The following KIAA0232 variants were observed in gnomAD, a reference collection of about 807,000 sequenced individuals.
KIAA0232 encodes KIAA0232.
A neutral mutation model predicts 122.0 loss-of-function variants in KIAA0232; 27 were observed. The observed-to-expected ratio is 0.22, with a 90% CI of 0.16 to 0.31. The LOEUF (loss-of-function observed/expected upper bound fraction) is 0.31. Among genes scored for constraint, KIAA0232 ranks in the 10% least tolerant of loss-of-function variants. KIAA0232 has a pLI of 1.00. For synonymous variants in KIAA0232, 613 were observed against 587.6 expected, an observed-to-expected ratio of 1.04 and a Z score of -0.63; for missense variants, 1,551 against 1,634.2, an observed-to-expected ratio of 0.95 and a Z score of 0.88.
intron 3 of KIAA0232, among the ~76,000 whole-genome samples, chr4:6,841,580 G>T (rs972656664): frequency 2.0e-5 from 3 of 152,142 alleles, no homozygotes; most frequent in African/African-American, 7.2e-5. Flanking sequence ...CATTAAGAGG[G>T]CAGTTAGGTA....
Position 6,855,183 on chromosome 4 carries a change from C to T in KIAA0232, c.370-1981C>T, listed in dbSNP as rs548442033. On this transcript the variant is annotated intron_variant, in intron 4 of 9. Transcript: ENST00000307659. This position sits in a 1 kb window ranked among gnomAD's most constrained non-coding sequence, Gnocchi z 4.3. Reference sequence around the variant, plus strand: ...CACTGCAACCTCCACCTCCTGGGTTCAAGCAGTTCTCCTGCCTCAGCCTCC... The same window carrying T: ...CACTGCAACCTCCACCTCCTGGGTTTAAGCAGTTCTCCTGCCTCAGCCTCC... Among the ~76,000 whole-genome samples the T allele has an allele frequency of 6.6e-6, 1 of 152,136 alleles. No individual in the cohort carries two copies. The highest frequency in any genetic ancestry group is 1.5e-5 in the Non-Finnish European group (1 of 68,014).
chr4:6,795,404 A>G (rs1717088970), intron 1 of KIAA0232, among the ~76,000 whole-genome samples: 1 of 152,120 alleles, frequency 6.6e-6, no homozygotes, highest in Admixed American at 6.5e-5. Flanking sequence ...CATGCAGCTA[A>G]TCTGAATTGA....
intron 1 of KIAA0232, among the ~76,000 whole-genome samples, chr4:6,789,115 C>T (rs371824190): frequency 1.3e-5 from 2 of 151,846 alleles, no homozygotes; most frequent in Admixed American, 6.6e-5. Context: ...GGACTACAGG[C>T]GCCCGACCAC....
chr4:6,847,936 C>T (rs1370914389), intron 4 of KIAA0232, among the ~76,000 whole-genome samples: 4 of 151,752 alleles, frequency 2.6e-5, no homozygotes, highest in Non-Finnish European at 4.4e-5. Context: ...AGTACTTTAT[C>T]TCCCACTTTG....
At chr4:6,845,080 A>G (rs1049222005) in intron 4 of KIAA0232, among the ~76,000 whole-genome samples, 2 of 152,224 alleles carry the variant, frequency 1.3e-5, no homozygotes, top group African/African-American at 4.8e-5. Context: ...GCTTTAGCAC[A>G]TAGTGAAGAA....
chr4:6,806,950 C>T (rs1014437266), intron 2 of KIAA0232, among the ~76,000 whole-genome samples: 1 of 151,834 alleles, frequency 6.6e-6, no homozygotes, highest in Admixed American at 6.6e-5. Flanking sequence ...CTGTTTAGTA[C>T]TTCTGAATCT....
chr4:6,880,717 A>T, intron 9 of KIAA0232, 70 bp from the exon 10 acceptor site: 1 of 1,024,972 alleles, frequency 9.8e-7, no homozygotes, highest in Non-Finnish European at 1.4e-6. Context: ...CTTTGTATAT[A>T]GATAGAGTAT....
chr4:6,824,396 A>C lies in KIAA0232; in HGVS notation c.-58A>C. Reference sequence around the variant, plus strand: ...GAGTGAAAATCCCCTCCAGATACCAACAGAATATCAACTGCAGAAAATGCT... The same window carrying C: ...GAGTGAAAATCCCCTCCAGATACCACCAGAATATCAACTGCAGAAAATGCT... On this transcript the variant is annotated 5_prime_UTR_variant, in exon 3 of 10. Transcript: ENST00000307659. 1 of 1,370,944 alleles carries C rather than the reference A, an allele frequency of 7.3e-7. No homozygotes were observed. Among genetic ancestry groups the C allele is most frequent in the Non-Finnish European group, 1.0e-6 (1 of 958,574 alleles). 84.9% of individuals were successfully genotyped at this position (1,370,944 alleles called of 1,614,324 possible).
chr4:6,824,185 G>T lies in KIAA0232; in HGVS notation c.-269G>T. ...TTTTTTTCCTCTCTCATTTTTGTAGGTTCTGCCGGAGACTTCCATTTGGCC... is the reference window on the plus strand; with the variant it reads ...TTTTTTTCCTCTCTCATTTTTGTAGTTTCTGCCGGAGACTTCCATTTGGCC... On this transcript the variant is annotated splice_region_variant and 5_prime_UTR_variant, in exon 3 of 10. Coordinates refer to ENST00000307659, the MANE Select transcript of KIAA0232 (RefSeq NM_014743.3). The T allele has an allele frequency of 2.0e-6, 1 of 506,918 alleles. No individual in the cohort carries two copies. The highest frequency in any genetic ancestry group is 3.5e-6 in the Non-Finnish European group (1 of 286,636). 31.4% of individuals were successfully genotyped at this position (506,918 alleles called of 1,614,324 possible). A position where few individuals can be genotyped will look rare whatever the true frequency, so the allele number is the denominator to read the frequency against.
chr4:6,830,255 C>T (rs1050899832), intron 3 of KIAA0232, among the ~76,000 whole-genome samples: 11 of 152,038 alleles, frequency 7.2e-5, no homozygotes, highest in Non-Finnish European at 1.3e-4. Context: ...AATAGCTTGC[C>T]CAAGGCCACA....
At chr4:6,852,126 C>T (rs1163752465) in intron 4 of KIAA0232, among the ~76,000 whole-genome samples, 1 of 152,074 alleles carries the variant, frequency 6.6e-6, no homozygotes, top group African/African-American at 2.4e-5. Context: ...TACTTCTCTC[C>T]TACTCTGTAT....
chr4:6,823,339 C>T (rs930757956), intron 2 of KIAA0232, among the ~76,000 whole-genome samples: 1 of 152,112 alleles, frequency 6.6e-6, no homozygotes, highest in African/African-American at 2.4e-5. Flanking sequence ...TTCTGGATCC[C>T]TGAGGAATCG....
intron 2 of KIAA0232, among the ~76,000 whole-genome samples, chr4:6,808,581 C>T (rs113661044): frequency 1.0e-3 from 156 of 151,084 alleles, no homozygotes; most frequent in African/African-American, 3.7e-3. Context: ...AAAGGAAAAT[C>T]CTGAGAGAGT....
At chr4:6,815,313 C>G (rs898110170) in intron 2 of KIAA0232, among the ~76,000 whole-genome samples, 1 of 152,108 alleles carries the variant, frequency 6.6e-6, no homozygotes, top group African/African-American at 2.4e-5. Flanking sequence ...GTGGATCATA[C>G]GTGAAGTAAG....
Position 6,824,529 on chromosome 4 carries a change from T to C in KIAA0232, c.76T>C (p.Ser26Pro). The C allele has an allele frequency of 2.5e-6, 4 of 1,614,224 alleles. No homozygotes were observed. Among genetic ancestry groups the C allele is most frequent in the East Asian group, 2.2e-5 (1 of 44,890 alleles). The change falls in exon 3 of 10, where the codon TCT becomes CCT. Residue 26 changes from serine to proline, a missense_variant. Ser to Pro is a moderately conservative substitution (Grantham distance 74). Coordinates refer to ENST00000307659, the MANE Select transcript of KIAA0232 (RefSeq NM_014743.3). Reference sequence around the variant, plus strand: ...CTCAAGTTCTTATCCAGGCCCTGTGTCTGTTTCTGAAATGTCTCTGCTTCA... The same window carrying C: ...CTCAAGTTCTTATCCAGGCCCTGTGCCTGTTTCTGAAATGTCTCTGCTTCA... Reference protein sequence around the residue: ...SSSSSYPGPVSVSEMSLLHAL... With the variant: ...SSSSSYPGPVPVSEMSLLHAL...
intron 1 of KIAA0232, among the ~76,000 whole-genome samples, chr4:6,801,702 A>G (rs1224334952): frequency 6.6e-6 from 1 of 152,078 alleles, no homozygotes; most frequent in Non-Finnish European, 1.5e-5. Flanking sequence ...GAAAGGTGCT[A>G]TTAAGTGGCT....
chr4:6,783,565 C>T (rs1295500394), intron 1 of KIAA0232, among the ~76,000 whole-genome samples: 1 of 152,102 alleles, frequency 6.6e-6, no homozygotes, highest in African/African-American at 2.4e-5. Flanking sequence ...CGTTCCCCTC[C>T]CCTCCAGCAT....
At chr4:6,818,399 C>CAAAAA (rs34255308) in intron 2 of KIAA0232, among the ~76,000 whole-genome samples, 1 of 81,928 alleles carries the variant, frequency 1.2e-5, no homozygotes, top group Non-Finnish European at 2.3e-5. Flanking sequence ...GACTCCGTCT[C>CAAAAA]AAAAAAAAAA....
chr4:6,818,620 A>T (rs1257872187), intron 2 of KIAA0232, among the ~76,000 whole-genome samples: 8 of 152,084 alleles, frequency 5.3e-5, no homozygotes, highest in Non-Finnish European at 1.5e-5. Flanking sequence ...GGAAGAATTG[A>T]TATCATTACA....
Sources: allele counts gnomAD v4.1 joint callset (sites outside exome capture counted in the v4.1 genomes callset), GRCh38; gene constraint gnomAD v4.1.1; non-coding constraint Gnocchi (gnomAD v3.1); transcripts MANE v1.5; gene names NCBI Gene and HGNC (gene_info 2026-07-23, HGNC 2026-07-21).